Variants in DENND6A observed in about 807,000 individuals in gnomAD.
DENND6A encodes the protein DENN domain containing 6A, also known as protein DENND6A.
DENND6A carries 43 observed loss-of-function variants against 95.5 expected under a neutral mutation model. The observed-to-expected ratio is 0.45, with a 90% CI of 0.35 to 0.58. The LOEUF (loss-of-function observed/expected upper bound fraction) is 0.58, where lower values mean the gene tolerates loss of function less well. Among genes scored for constraint, DENND6A ranks in the 20% least tolerant of loss-of-function variants. The probability of loss-of-function intolerance (pLI) is 0.00; values close to 1 mark genes in which losing one functional copy is unlikely to be tolerated. For missense variants in DENND6A, 574 were observed against 736.0 expected, an observed-to-expected ratio of 0.78 and a Z score of 2.55; for synonymous variants, 257 against 260.4, an observed-to-expected ratio of 0.99 and a Z score of 0.13.
intron 7 of DENND6A, 49 bp from the exon 8 acceptor site, chr3:57,659,229 G>A: frequency 6.3e-7 from 1 of 1,583,256 alleles, no homozygotes; most frequent in Non-Finnish European, 8.7e-7. Flanking sequence ...AATGGAGGAT[G>A]AGAAGTGCTG....
chr3:57,662,744 G>C (rs1014180627), intron 5 of DENND6A, among the ~76,000 whole-genome samples: 11 of 152,112 alleles, frequency 7.2e-5, no homozygotes, highest in African/African-American at 2.7e-4. Flanking sequence ...CAGGAATCTA[G>C]CACAGAGAGC....
chr3:57,668,430 T>C (rs537383522), intron 3 of DENND6A, among the ~76,000 whole-genome samples: 2 of 152,336 alleles, frequency 1.3e-5, no homozygotes, highest in South Asian at 4.1e-4. Flanking sequence ...CAGTGACTTC[T>C]GTCCTTGGGC....
chr3:57,690,322 G>A lies in DENND6A; in HGVS notation c.237+2460C>T, dbSNP rs371530979. Among the ~76,000 whole-genome samples the A allele has an allele frequency of 9.9e-5, 15 of 152,192 alleles. No homozygotes were observed. The East Asian group carries it at 2.3e-3, about 24-fold the overall frequency. ...AGATCGAGACCATCCTGGCTAACAC[G>A]GTGAAACCCCGTCTCTATTAAAAAT... is the stretch of plus-strand genomic sequence containing the variant. On this transcript the variant is annotated intron_variant, in intron 1 of 19. Coordinates refer to ENST00000311128, the MANE Select transcript of DENND6A (RefSeq NM_152678.3).
intron 1 of DENND6A, among the ~76,000 whole-genome samples, chr3:57,675,390 C>A (rs1181659912): frequency 2.0e-5 from 3 of 152,168 alleles, no homozygotes; most frequent in African/African-American, 7.2e-5. Context: ...CAGCTGGCGT[C>A]TACTTCAGTA....
chr3:57,657,063 G>A (rs1410520885), intron 9 of DENND6A, among the ~76,000 whole-genome samples: 1 of 152,118 alleles, frequency 6.6e-6, no homozygotes, highest in Non-Finnish European at 1.5e-5. Context: ...TTTCAAGCTG[G>A]CCTATACATC....
Position 57,692,780 on chromosome 3 carries a change from A to AC in DENND6A, c.237+1dup, listed in dbSNP as rs1559837720. On this transcript the variant is annotated splice_donor_variant, in intron 1 of 19. Coordinates refer to ENST00000311128, the MANE Select transcript of DENND6A (RefSeq NM_152678.3). LOFTEE classifies it high-confidence loss of function. Reference sequence around the variant, plus strand: ...CCGAGAAAGGGCGGGGCCGGGCCTCACCTCCACGGCCTGGCCCAGCTCCAG... The same window carrying AC: ...CCGAGAAAGGGCGGGGCCGGGCCTCACCCTCCACGGCCTGGCCCAGCTCCAG... 1 of 1,510,598 alleles carries AC rather than the reference A, an allele frequency of 6.6e-7. No individual in the cohort carries two copies. The highest frequency in any genetic ancestry group is 8.8e-7 in the Non-Finnish European group (1 of 1,135,276). The allele number at this position is 1,510,598 out of a possible 1,614,324, so 93.6% of individuals were successfully genotyped here.
At chr3:57,657,457 CAAA>C (rs372634703) in intron 9 of DENND6A, among the ~76,000 whole-genome samples, 254 of 152,182 alleles carry the variant, frequency 1.7e-3, no homozygotes, top group African/African-American at 5.7e-3. Flanking sequence ...CTAAACCAAA[CAAA>C]AATATTTTTA....
At position 57,651,011 on chromosome 3, in the gene DENND6A, C is replaced by T. The variant is rs540852365; in HGVS notation, c.819-4573G>A. Among the ~76,000 whole-genome samples the T allele has an allele frequency of 1.9e-4, 29 of 152,096 alleles. No individual in the cohort carries two copies. The East Asian group carries it at 5.0e-3, about 26-fold the overall frequency. On this transcript the variant is annotated intron_variant, in intron 9 of 19. Transcript: ENST00000311128. ...GCCAGTCAGACTGGTCTCGAACTCC[C>T]GATCTCAGATGATCTGACCACCTTG...
At chr3:57,631,165 A>T (rs2070662408) in intron 15 of DENND6A, 187 bp from the exon 16 acceptor site, 8 of 571,744 alleles carry the variant, frequency 1.4e-5, no homozygotes, top group Middle Eastern at 4.7e-4. Flanking sequence ...TTCAAATAAA[A>T]ATTCAACTAA....
At position 57,630,834 on chromosome 3, in the gene DENND6A, A is replaced by G; in HGVS notation, c.1408-10T>C. 6.2e-7 allele frequency: 1 copy of G among 1,611,366 alleles called. No individual in the cohort carries two copies. The highest frequency in any genetic ancestry group is 1.3e-5 in the African/African-American group (1 of 74,748). On this transcript the variant is annotated splice_polypyrimidine_tract_variant and intron_variant, in intron 16 of 19. Coordinates refer to ENST00000311128, the MANE Select transcript of DENND6A (RefSeq NM_152678.3). ...TTAATTGAGGTGGACTCTAGAAAACAGGACATATAATATTTAGAAATTAGG... is the reference window on the plus strand; with the variant it reads ...TTAATTGAGGTGGACTCTAGAAAACGGGACATATAATATTTAGAAATTAGG...
At chr3:57,671,526 T>A (rs4626068) in intron 3 of DENND6A, among the ~76,000 whole-genome samples, 3,618 of 147,132 alleles carry the variant, frequency 0.025, 68 homozygotes, top group Middle Eastern at 0.036. Context: ...CGAGACTCCA[T>A]CTCAAAAAAA....
intron 15 of DENND6A, chr3:57,631,266 G>A (rs1374342084): frequency 1.1e-5 from 3 of 279,880 alleles, no homozygotes; most frequent in African/African-American, 2.2e-5. Context: ...GCATGATCTC[G>A]GCTCACTACA....
At position 57,663,120 on chromosome 3, in the gene DENND6A, C is replaced by T. The variant is rs910041699; in HGVS notation, c.513+516G>A. 1.7e-4 allele frequency among the ~76,000 whole-genome samples: 23 copies of T among 138,444 alleles called. No homozygotes were observed. The East Asian group carries it at 4.2e-3, about 25-fold the overall frequency. The allele number at this position is 138,444 out of a possible 152,430, so 90.8% of individuals were successfully genotyped here. A position where few individuals can be genotyped will look rare whatever the true frequency, so the allele number is the denominator to read the frequency against. On this transcript the variant is annotated intron_variant, in intron 5 of 19. Transcript: ENST00000311128. ...GAGCCGAGATCACACCACTGAACTCCAGCCTGGGCGACAAGAGCAAAACTC... is the reference window on the plus strand; with the variant it reads ...GAGCCGAGATCACACCACTGAACTCTAGCCTGGGCGACAAGAGCAAAACTC...
At position 57,663,536 on chromosome 3, in the gene DENND6A, T is replaced by C. The variant is rs2071470492; in HGVS notation, c.513+100A>G. 6.7e-6 allele frequency: 4 copies of C among 595,924 alleles called. 1 individual carries two copies. The South Asian group carries it at 1.1e-4, about 16-fold the overall frequency. 36.9% of individuals were successfully genotyped at this position (595,924 alleles called of 1,614,324 possible). A position where few individuals can be genotyped will look rare whatever the true frequency, so the allele number is the denominator to read the frequency against. On this transcript the variant is annotated intron_variant, in intron 5 of 19. Transcript: ENST00000311128. ...CACATATATATAGCATGTTTAAAGA[T>C]AAAATACCAAAGACTTTAAAGACTC...
Position 57,672,400 on chromosome 3 carries a change from T to G in DENND6A, c.276A>C (p.Glu92Asp). The G allele has an allele frequency of 3.7e-6, 6 of 1,613,108 alleles. No individual in the cohort carries two copies. The highest frequency in any genetic ancestry group is 5.1e-6 in the Non-Finnish European group (6 of 1,179,552). The change falls in exon 2 of 20, where the codon GAA becomes GAC. Residue 92 changes from glutamate to aspartate, a missense_variant and splice_region_variant. Glu to Asp is a conservative substitution (Grantham distance 45). Coordinates refer to ENST00000311128, the MANE Select transcript of DENND6A (RefSeq NM_152678.3). ...YPQHSKLTDR[E>D]KTNICYLSFP... is the part of the protein sequence containing the mutation. The stretch of plus-strand genomic sequence containing the variant: ...TATACAGAGCAGTATTTTTACTTAC[T>G]TCTCTGTCAGTAAGTTTGGAATGCT...
intron 11 of DENND6A, among the ~76,000 whole-genome samples, chr3:57,644,372 C>A (rs577251660): frequency 6.6e-6 from 1 of 152,054 alleles, no homozygotes; most frequent in African/African-American, 2.4e-5. Flanking sequence ...GTGGCACGAT[C>A]TGAGTTCACT....
intron 1 of DENND6A, chr3:57,679,627 A>G: frequency 1.1e-6 from 1 of 926,762 alleles, no homozygotes; most frequent in Non-Finnish European, 1.3e-6. Context: ...GGAAATCATT[A>G]GCCAGTCTAT....
rs2070558438 is a variant in DENND6A at position 57,627,526 on chromosome 3, G to C, written c.*688C>G. 6.6e-6 allele frequency: 1 copy of C among 151,680 alleles called. No individual in the cohort carries two copies. Among genetic ancestry groups the C allele is most frequent in the South Asian group, 2.1e-4 (1 of 4,800 alleles). 9.4% of individuals were successfully genotyped at this position (151,680 alleles called of 1,614,324 possible). A position where few individuals can be genotyped will look rare whatever the true frequency, so the allele number is the denominator to read the frequency against. ...ATGCCTTCTTGTCTTTGGAGAAACT[G>C]GTAACATTAAATTTTGAAAATGGAA... On this transcript the variant is annotated 3_prime_UTR_variant, in exon 20 of 20. Coordinates refer to ENST00000311128, the MANE Select transcript of DENND6A (RefSeq NM_152678.3).
intron 12 of DENND6A, among the ~76,000 whole-genome samples, chr3:57,636,936 C>CAAA (rs60350642): frequency 2.1e-4 from 11 of 51,944 alleles, no homozygotes; most frequent in Admixed American, 4.0e-4. Flanking sequence ...GACTCTGTCT[C>CAAA]AAAAAAAAAA....
Sources: gnomAD v4.1 joint callset for allele counts (sites outside exome capture counted in the v4.1 genomes callset) on GRCh38, gnomAD v4.1.1 for gene constraint, MANE v1.5 for transcripts, NCBI Gene and HGNC (gene_info 2026-07-23, HGNC 2026-07-21) for gene names.